The following DNAH8 variants were observed in gnomAD, a reference collection of about 807,000 sequenced individuals.
The protein encoded by DNAH8 is dynein axonemal heavy chain 8.
In DNAH8, 382 loss-of-function variants were observed where a neutral mutation model predicts 562.1. That is an observed-to-expected ratio of 0.68 (90% CI 0.63 to 0.74). The LOEUF (loss-of-function observed/expected upper bound fraction) is 0.74. Ranked by LOEUF, DNAH8 falls within the 30% of genes least tolerant of loss-of-function variation. The pLI, the probability that DNAH8 is intolerant of heterozygous loss-of-function variation, is 0.00. For synonymous variants in DNAH8, 1,881 were observed against 1,919.4 expected (o/e 0.98, Z 0.52); for missense variants, 5,203 against 5,620.4 (o/e 0.93, Z 2.37).
At chr6:38,998,882 T>C (rs9366991) in intron 88 of DNAH8, among the ~76,000 whole-genome samples, 60,857 of 152,036 alleles carry the variant, frequency 0.4, 12,572 homozygotes, top group Non-Finnish European at 0.45. Context: ...ACTGTTCTCC[T>C]GAAAGCCCTT....
chr6:38,866,722 CTTGT>C (rs764554733), intron 46 of DNAH8, 43 bp from the exon 47 acceptor site: 2 of 1,598,384 alleles, frequency 1.3e-6, no homozygotes, highest in South Asian at 2.2e-5. Context: ...ATGTTCTTTA[CTTGT>C]TTTTCACTAA....
At chr6:38,898,493 A>C in intron 61 of DNAH8, 113 bp downstream of exon 61, 1 of 863,894 alleles carries the variant, frequency 1.2e-6, no homozygotes, top group Non-Finnish European at 1.6e-6. Context: ...CGTATAGAAG[A>C]CTGTACATAG....
Position 38,935,629 on chromosome 6 carries a change from T to C in DNAH8, c.11495T>C (p.Val3832Ala), listed in dbSNP as rs1483534438. 6.2e-7 allele frequency: 1 copy of C among 1,613,374 alleles called. No individual in the cohort carries two copies. Among genetic ancestry groups the C allele is most frequent in the Non-Finnish European group, 8.5e-7 (1 of 1,179,758 alleles). The change falls in exon 77 of 93, where the codon GTT becomes GCT. Residue 3832 changes from valine (V) to alanine (A), a missense_variant. By Grantham distance (64) the Val-to-Ala change is moderately conservative. Coordinates refer to ENST00000327475, the MANE Select transcript of DNAH8 (RefSeq NM_001206927.2). Reference protein sequence around the residue: ...EAERVKLLEDVTFNKRKMKEL... With the variant: ...EAERVKLLEDATFNKRKMKEL... ...GAGAGGGTTAAACTTTTGGAGGATG[T>C]TACTTTTAATAAGCGGAAGATGAAA...
intron 24 of DNAH8, among the ~76,000 whole-genome samples, chr6:38,808,622 A>C (rs184559797): frequency 1.9e-4 from 29 of 152,302 alleles, no homozygotes; most frequent in Non-Finnish European, 3.4e-4. Flanking sequence ...ATCATTCTCC[A>C]ATAAAGACAT....
intron 85 of DNAH8, among the ~76,000 whole-genome samples, chr6:38,980,241 A>G (rs1763936066): frequency 6.6e-6 from 1 of 152,206 alleles, no homozygotes; most frequent in African/African-American, 2.4e-5. Flanking sequence ...AGACAAAAAT[A>G]GAAGACGTGT....
At chr6:38,848,244 T>C (rs2150382348) in intron 36 of DNAH8, among the ~76,000 whole-genome samples, 1 of 152,234 alleles carries the variant, frequency 6.6e-6, no homozygotes, top group Admixed American at 6.5e-5. Context: ...ATTCAGTAGT[T>C]CCACAGACCA....
chr6:38,989,938 C>G (rs1561949687), intron 87 of DNAH8, 74 bp from the exon 88 acceptor site: 4 of 778,506 alleles, frequency 5.1e-6, no homozygotes, highest in Non-Finnish European at 8.4e-6. Flanking sequence ...ATAAGGTGGC[C>G]CCTCTCCTTT....
chr6:38,807,758 A>C, intron 24 of DNAH8, 42 bp downstream of exon 24: 1 of 1,048,766 alleles, frequency 9.5e-7, no homozygotes, highest in Non-Finnish European at 1.4e-6. Flanking sequence ...AATCATACTT[A>C]TAATGTGAAT....
chr6:38,792,155 T>C (rs1355354657), intron 21 of DNAH8, among the ~76,000 whole-genome samples: 2 of 152,158 alleles, frequency 1.3e-5, no homozygotes, highest in African/African-American at 2.4e-5. Context: ...TGGTGTGATC[T>C]TGGCTCACTG....
intron 33 of DNAH8, among the ~76,000 whole-genome samples, chr6:38,838,607 G>T (rs538463680): frequency 1.9e-3 from 281 of 151,480 alleles, no homozygotes; most frequent in Non-Finnish European, 3.2e-3. Context: ...CACCATGTTA[G>T]CCAGGATGGT....
intron 42 of DNAH8, among the ~76,000 whole-genome samples, chr6:38,859,999 A>G (rs1776488006): frequency 6.6e-6 from 1 of 152,060 alleles, no homozygotes; most frequent in East Asian, 1.9e-4. Flanking sequence ...TGCCAATCAG[A>G]TCTTCTAGAC....
At chr6:38,824,763 G>C (rs1773161530) in intron 28 of DNAH8, among the ~76,000 whole-genome samples, 1 of 152,034 alleles carries the variant, frequency 6.6e-6, no homozygotes, top group African/African-American at 2.4e-5. Context: ...GCTTAGCATA[G>C]TACCTGGCGT....
chr6:38,741,545 A>G (rs903652304), intron 7 of DNAH8, among the ~76,000 whole-genome samples, 166 bp from the exon 8 acceptor site: 6 of 152,064 alleles, frequency 3.9e-5, no homozygotes, highest in African/African-American at 1.2e-4. Flanking sequence ...GATAGTATCT[A>G]TCATATTGAA....
chr6:38,886,090 C>G (rs1024685109), intron 56 of DNAH8, among the ~76,000 whole-genome samples: 6 of 151,152 alleles, frequency 4.0e-5, no homozygotes, highest in African/African-American at 9.7e-5. Flanking sequence ...GAATTTGAAG[C>G]TAGAGTTATA....
intron 88 of DNAH8, among the ~76,000 whole-genome samples, chr6:38,992,561 G>A (rs1764865905): frequency 6.6e-6 from 1 of 152,204 alleles, no homozygotes; most frequent in Non-Finnish European, 1.5e-5. Context: ...GACTGAAAAT[G>A]TTCTCATATG....
intron 8 of DNAH8, among the ~76,000 whole-genome samples, chr6:38,749,822 A>G (rs990448778): frequency 2.0e-5 from 3 of 152,064 alleles, no homozygotes; most frequent in African/African-American, 7.2e-5. Context: ...GTTTTGAATA[A>G]TGTTCTTTTT....
At chr6:38,825,045 A>G (rs1274235348) in intron 28 of DNAH8, among the ~76,000 whole-genome samples, 3 of 152,212 alleles carry the variant, frequency 2.0e-5, no homozygotes, top group Non-Finnish European at 4.4e-5. Flanking sequence ...ACTGTAGTAT[A>G]CAGACAGAGT....
rs1308630579 is a variant in DNAH8 at position 38,929,537 on chromosome 6, T to TCG, written c.11147_11148dup (p.Thr3717AlafsTer31). The TCG allele has an allele frequency of 3.7e-6, 6 of 1,612,502 alleles. No individual in the cohort carries two copies. Among genetic ancestry groups the TCG allele is most frequent in the Non-Finnish European group, 5.1e-6 (6 of 1,179,234 alleles). On this transcript the variant is annotated frameshift_variant, in exon 75 of 93. Coordinates refer to ENST00000327475, the MANE Select transcript of DNAH8 (RefSeq NM_001206927.2). LOFTEE classifies it high-confidence loss of function. ...TGACATCTCTGAACCATAAATATTTTCGCACACACTTGGAGGACAGCCTTT... is the reference window on the plus strand; with the variant it reads ...TGACATCTCTGAACCATAAATATTTTCGCGCACACACTTGGAGGACAGCCTTT...
chr6:38,962,957 G>T (rs1413804206), intron 82 of DNAH8, among the ~76,000 whole-genome samples: 3 of 152,152 alleles, frequency 2.0e-5, no homozygotes, highest in African/African-American at 7.2e-5. Context: ...TGATACAATG[G>T]ACTTTGGGGA....
Sources: gnomAD v4.1 joint callset for allele counts (sites outside exome capture counted in the v4.1 genomes callset) on GRCh38, gnomAD v4.1.1 for gene constraint, MANE v1.5 for transcripts, NCBI Gene and HGNC (gene_info 2026-07-23, HGNC 2026-07-21) for gene names.